The following EYA1 variants were observed in gnomAD, a reference collection of about 807,000 sequenced individuals.
The protein encoded by EYA1 is protein phosphatase EYA1.
In EYA1, 16 loss-of-function variants were observed where a neutral mutation model predicts 82.0. The observed-to-expected ratio is 0.20, with a 90% CI of 0.13 to 0.30. EYA1 has a LOEUF of 0.30. EYA1 is among the 10% of genes least tolerant of loss of function. The pLI, the probability that EYA1 is intolerant of heterozygous loss-of-function variation, is 1.00. For synonymous variants in EYA1, 261 were observed against 264.4 expected, an observed-to-expected ratio of 0.99 and a Z score of 0.12; for missense variants, 633 against 730.7, an observed-to-expected ratio of 0.87 and a Z score of 1.54.
At chr8:71,474,546 C>T (rs1416991418) in intron 2 of EYA1, among the ~76,000 whole-genome samples, 1 of 152,156 alleles carries the variant, frequency 6.6e-6, no homozygotes, top group Non-Finnish European at 1.5e-5. Flanking sequence ...ACTCTCAACC[C>T]TACAAATTGC....
chr8:71,222,419 C>T (rs1267184177), intron 12 of EYA1, among the ~76,000 whole-genome samples: 2 of 152,216 alleles, frequency 1.3e-5, no homozygotes, highest in Non-Finnish European at 2.9e-5. Flanking sequence ...ATCCAGCCCG[C>T]TGTTCCCAGT....
At chr8:71,217,089 G>A (rs1809309874) in intron 12 of EYA1, 66 bp from the exon 13 acceptor site, 1 of 1,220,774 alleles carries the variant, frequency 8.2e-7, no homozygotes, top group Admixed American at 1.7e-5. Flanking sequence ...GTTTTGTTTT[G>A]GAAAAACCAT....
Position 71,361,840 on chromosome 8 carries a change from C to A in EYA1, c.-248G>T. The stretch of plus-strand genomic sequence containing the variant: ...AAAGCTCGGCGCAGGGGGCAGGCGC[C>A]TGGCCGCTGCCGCAGGCTCGGGCTG... On this transcript the variant is annotated 5_prime_UTR_variant, in exon 1 of 18. It adds an upstream start codon to the 5' untranslated region. Transcript: ENST00000340726. 2.0e-6 allele frequency: 2 copies of A among 985,484 alleles called. No individual in the cohort carries two copies. The highest frequency in any genetic ancestry group is 2.4e-6 in the Non-Finnish European group (2 of 829,940). 61.0% of individuals were successfully genotyped at this position (985,484 alleles called of 1,614,324 possible).
chr8:71,215,248 G>T, intron 16 of EYA1, 139 bp downstream of exon 16: 2 of 819,250 alleles, frequency 2.4e-6, no homozygotes, highest in Non-Finnish European at 3.9e-6. Flanking sequence ...ATCCAGTTTT[G>T]CAAATTGGTT....
chr8:71,462,155 C>G (rs1808409061), intron 2 of EYA1, among the ~76,000 whole-genome samples: 1 of 152,120 alleles, frequency 6.6e-6, no homozygotes, highest in Admixed American at 6.5e-5. Flanking sequence ...GCTCAGGAGC[C>G]TGTCTGCCTC....
At chr8:71,465,087 G>T (rs1057224867) in intron 2 of EYA1, among the ~76,000 whole-genome samples, 3 of 152,146 alleles carry the variant, frequency 2.0e-5, no homozygotes, top group African/African-American at 7.2e-5. Context: ...AATTTTGACA[G>T]ATGTCTAAAT....
intron 2 of EYA1, among the ~76,000 whole-genome samples, chr8:71,390,281 T>TC (rs1829203986): frequency 6.6e-6 from 1 of 151,950 alleles, no homozygotes; most frequent in Non-Finnish European, 1.5e-5. Flanking sequence ...CTTTTTTTTT[T>TC]TTTTTTAGAG....
chr8:71,437,854 A>C (rs1806122699), intron 2 of EYA1, among the ~76,000 whole-genome samples: 1 of 152,164 alleles, frequency 6.6e-6, no homozygotes, highest in African/African-American at 2.4e-5. Flanking sequence ...TGAGACAAGC[A>C]GTTGGAAAAA....
intron 2 of EYA1, among the ~76,000 whole-genome samples, chr8:71,427,847 C>G (rs1050878789): frequency 6.6e-6 from 1 of 151,694 alleles, no homozygotes; most frequent in Admixed American, 6.6e-5. Context: ...TAGCAAAAAC[C>G]CTATTTCTAC....
At chr8:71,292,123 T>A (rs1586210495) in intron 9 of EYA1, among the ~76,000 whole-genome samples, 1 of 152,240 alleles carries the variant, frequency 6.6e-6, no homozygotes, top group Middle Eastern at 3.4e-3. Context: ...TTCTTCGTAA[T>A]AATACTCAAA....
intron 2 of EYA1, among the ~76,000 whole-genome samples, chr8:71,435,187 A>G (rs1382665210): frequency 6.6e-6 from 1 of 152,106 alleles, no homozygotes; most frequent in Non-Finnish European, 1.5e-5. Flanking sequence ...GACTCACTCC[A>G]TTTATTATGA....
In EYA1 at chr8:71,319,331, C is replaced by T. The variant is rs564737149; in HGVS notation, c.419-1642G>A. ...ATTTTTAGTAGAGACGGCGTTTCAC[C>T]GTGTTAGCCAGGATGGTCTAGATCT... On this transcript the variant is annotated intron_variant, in intron 6 of 17. Transcript: ENST00000340726. Among the ~76,000 whole-genome samples, 145 of 152,158 alleles carry T rather than the reference C, an allele frequency of 9.5e-4. 1 individual carries two copies. The highest frequency in any genetic ancestry group is 1.8e-3 in the Admixed American group (28 of 15,282).
intron 2 of EYA1, among the ~76,000 whole-genome samples, chr8:71,425,104 CAA>C (rs71264555): frequency 0.026 from 1,923 of 75,286 alleles, 17 homozygotes; most frequent in Non-Finnish European, 0.037. Flanking sequence ...ACTAAAAATA[CAA>C]AAAAAAAAAA....
chr8:71,277,115 A>ATTTTTTTTTT lies in EYA1; in HGVS notation c.827-5228_827-5219dup, dbSNP rs9298167. Among the ~76,000 whole-genome samples the ATTTTTTTTTT allele has an allele frequency of 4.8e-4, 37 of 76,950 alleles. 2 individuals carry two copies. Among genetic ancestry groups the ATTTTTTTTTT allele is most frequent in the East Asian group, 7.7e-4 (2 of 2,610 alleles). 50.5% of individuals were successfully genotyped at this position (76,950 alleles called of 152,430 possible). ...GCCATGCTATTTCATGGCTTCACACATTTTTTTTTTTTTTTTTTTTTTTTT... is the reference window on the plus strand; with the variant it reads ...GCCATGCTATTTCATGGCTTCACACATTTTTTTTTTTTTTTTTTTTTTTTTTTTTTTTTTT... On this transcript the variant is annotated intron_variant, in intron 9 of 17. Coordinates refer to ENST00000340726, the MANE Select transcript of EYA1 (RefSeq NM_000503.6).
At chr8:71,377,890 T>C (rs910881147) in intron 2 of EYA1, among the ~76,000 whole-genome samples, 3 of 152,206 alleles carry the variant, frequency 2.0e-5, no homozygotes, top group African/African-American at 7.2e-5. Flanking sequence ...TTGCTGTACA[T>C]TCCCTCTTTG....
intron 4 of EYA1, among the ~76,000 whole-genome samples, chr8:71,331,245 T>TACACAC (rs147776263): frequency 2.7e-4 from 37 of 136,546 alleles, no homozygotes; most frequent in African/African-American, 7.0e-4. Context: ...AATAAATAAA[T>TACACAC]ACACACACAC....
At chr8:71,259,493 C>T (rs182305561) in intron 11 of EYA1, among the ~76,000 whole-genome samples, 1 of 152,256 alleles carries the variant, frequency 6.6e-6, no homozygotes, top group East Asian at 1.9e-4. Context: ...ACAATTCAGC[C>T]TGCTGGAGAA....
chr8:71,461,386 T>C (rs1285754697), intron 2 of EYA1, among the ~76,000 whole-genome samples: 1 of 152,170 alleles, frequency 6.6e-6, no homozygotes, highest in African/African-American at 2.4e-5. Context: ...GTGCCAGCAC[T>C]GGTGCTGGCT....
chr8:71,294,026 A>T (rs4738124), intron 9 of EYA1, among the ~76,000 whole-genome samples: 70,012 of 132,966 alleles, frequency 0.53, 17,008 homozygotes, highest in East Asian at 0.75. Flanking sequence ...TAGAAAATAT[A>T]AAAAAAAAAA....
Sources: gnomAD v4.1 joint callset for allele counts (sites outside exome capture counted in the v4.1 genomes callset) on GRCh38, gnomAD v4.1.1 for gene constraint, MANE v1.5 for transcripts, NCBI Gene and HGNC (gene_info 2026-07-23, HGNC 2026-07-21) for gene names.